Variants in FAF1 observed in about 807,000 individuals in gnomAD.
The protein encoded by FAF1 is Fas associated factor 1, also known as FAS-associated factor 1.
A neutral mutation model predicts 92.5 loss-of-function variants in FAF1; 25 were observed. That is an observed-to-expected ratio of 0.27 (90% confidence interval 0.20 to 0.38). The LOEUF is 0.38. FAF1 is among the 10% of genes least tolerant of loss of function. FAF1 has a pLI of 1.00. For missense variants in FAF1, 636 were observed against 793.3 expected, an observed-to-expected ratio of 0.80 and a Z score of 2.38; for synonymous variants, 234 against 273.2, an observed-to-expected ratio of 0.86 and a Z score of 1.42.
chr1:50,912,629 C>T (rs1644893875), intron 1 of FAF1, among the ~76,000 whole-genome samples: 1 of 152,276 alleles, frequency 6.6e-6, no homozygotes, highest in Admixed American at 6.5e-5. Flanking sequence ...AGTGTGTACT[C>T]AGAAAAATCA....
intron 7 of FAF1, among the ~76,000 whole-genome samples, chr1:50,691,177 A>C (rs1181205074): frequency 6.6e-6 from 1 of 152,230 alleles, no homozygotes; most frequent in African/African-American, 2.4e-5. Flanking sequence ...ACATTATGTC[A>C]TAATTCCACC....
In FAF1 at chr1:50,940,903, C is replaced by T. The variant is rs997922498; in HGVS notation, c.45+18864G>A. Among the ~76,000 whole-genome samples the T allele has an allele frequency of 3.3e-5, 5 of 152,140 alleles. No individual in the cohort carries two copies. In the East Asian group the frequency reaches 9.6e-4, roughly 29 times the overall value. The stretch of plus-strand genomic sequence containing the variant: ...CTATTAGCCTTGGTCAATCCAGGGA[C>T]ACCAGCAAAACTACACTGTCCTCTC... On this transcript the variant is annotated intron_variant, in intron 1 of 18. Coordinates refer to ENST00000396153, the MANE Select transcript of FAF1 (RefSeq NM_007051.3).
At chr1:50,649,136 C>T (rs28699363) in intron 8 of FAF1, among the ~76,000 whole-genome samples, 74,225 of 151,150 alleles carry the variant, frequency 0.49, 20,286 homozygotes, top group African/African-American at 0.72. Context: ...GTGCAGTTTT[C>T]ATTTTATGTA....
In FAF1 at chr1:50,719,895, T is replaced by C. The variant is rs181425461; in HGVS notation, c.552-14004A>G. Among the ~76,000 whole-genome samples the C allele has an allele frequency of 2.2e-3, 337 of 152,362 alleles. 3 individuals carry two copies. Among genetic ancestry groups the C allele is most frequent in the African/African-American group, 8.0e-3 (333 of 41,586 alleles). On this transcript the variant is annotated intron_variant, in intron 6 of 18. Transcript: ENST00000396153. ...AATGGGTTTGGTACCTCACTCCAAT[T>C]AGATGTGTTGTGATTTCCATCAGTG...
intron 15 of FAF1, among the ~76,000 whole-genome samples, chr1:50,496,427 A>G (rs1304314329): frequency 1.3e-5 from 2 of 152,198 alleles, no homozygotes; most frequent in African/African-American, 4.8e-5. Context: ...GAAAGAAATA[A>G]AGAAAGAGAA....
chr1:50,774,326 C>T (rs1660878189), intron 4 of FAF1, among the ~76,000 whole-genome samples: 1 of 152,172 alleles, frequency 6.6e-6, no homozygotes, highest in African/African-American at 2.4e-5. Context: ...TAAAGCATGG[C>T]TGAGGCATGT....
At chr1:50,927,873 TCTC>T (rs1243888522) in intron 1 of FAF1, among the ~76,000 whole-genome samples, 1 of 152,164 alleles carries the variant, frequency 6.6e-6, no homozygotes, top group Non-Finnish European at 1.5e-5. Flanking sequence ...TGTGCCCTAA[TCTC>T]CTCTTTTTCT....
At chr1:50,661,185 C>G (rs1226228827) in intron 7 of FAF1, among the ~76,000 whole-genome samples, 3 of 152,024 alleles carry the variant, frequency 2.0e-5, no homozygotes, top group Non-Finnish European at 2.9e-5. Context: ...TTAAAAAACA[C>G]TAATATTTTC....
At chr1:50,868,988 A>G (rs1214593052) in intron 1 of FAF1, among the ~76,000 whole-genome samples, 1 of 152,156 alleles carries the variant, frequency 6.6e-6, no homozygotes, top group African/African-American at 2.4e-5. Context: ...TTACTGAGAG[A>G]GAACTCTGAA....
intron 1 of FAF1, among the ~76,000 whole-genome samples, chr1:50,898,919 T>G (rs1200830411): frequency 6.6e-6 from 1 of 152,232 alleles, no homozygotes; most frequent in Non-Finnish European, 1.5e-5. Context: ...ATGTTGGTGG[T>G]TATTTCCTCA....
chr1:50,534,262 CT>C (rs2149037080), intron 15 of FAF1, among the ~76,000 whole-genome samples: 1 of 152,184 alleles, frequency 6.6e-6, no homozygotes, highest in African/African-American at 2.4e-5. Flanking sequence ...TCCCTTTAGC[CT>C]TGGGGTCTAT....
At chr1:50,533,904 T>C (rs1344372381) in intron 15 of FAF1, among the ~76,000 whole-genome samples, 1 of 152,170 alleles carries the variant, frequency 6.6e-6, no homozygotes, top group African/African-American at 2.4e-5. Context: ...TATTTATAGC[T>C]CCTACCAGCT....
chr1:50,451,959 CCTT>C (rs1646298598), intron 18 of FAF1: 1 of 1,150,354 alleles, frequency 8.7e-7, no homozygotes, highest in Non-Finnish European at 1.1e-6. Context: ...AAAGCTGTAA[CCTT>C]CTCCTTGCAG....
At chr1:50,631,143 C>T (rs1653769280) in intron 8 of FAF1, among the ~76,000 whole-genome samples, 1 of 152,098 alleles carries the variant, frequency 6.6e-6, no homozygotes, top group African/African-American at 2.4e-5. Context: ...TCTCTACTGT[C>T]TAAACGCATT....
chr1:50,924,139 AGAC>A (rs1644986410), intron 1 of FAF1, among the ~76,000 whole-genome samples: 1 of 152,242 alleles, frequency 6.6e-6, no homozygotes, highest in African/African-American at 2.4e-5. Flanking sequence ...TCTTGTTTGC[AGAC>A]GACATGATCT....
intron 1 of FAF1, among the ~76,000 whole-genome samples, chr1:50,863,263 T>G (rs1644450842): frequency 6.6e-6 from 1 of 151,910 alleles, no homozygotes; most frequent in African/African-American, 2.4e-5. Flanking sequence ...TCCTGAATGA[T>G]CTTTGGGTCA....
chr1:50,624,263 T>A (rs1014206535), intron 8 of FAF1, among the ~76,000 whole-genome samples: 5 of 152,144 alleles, frequency 3.3e-5, no homozygotes, highest in African/African-American at 4.8e-5. Flanking sequence ...TTCTCCTGCC[T>A]CACCCTCCCA....
intron 8 of FAF1, among the ~76,000 whole-genome samples, chr1:50,645,659 C>T (rs1425079845): frequency 2.0e-5 from 3 of 152,060 alleles, no homozygotes; most frequent in African/African-American, 7.2e-5. Context: ...CCCGTCTCTA[C>T]TAAAAATACA....
intron 2 of FAF1, among the ~76,000 whole-genome samples, chr1:50,836,291 CT>C (rs1644204721): frequency 6.6e-6 from 1 of 151,238 alleles, no homozygotes; most frequent in African/African-American, 2.4e-5. Context: ...CCACCTCAGC[CT>C]CCCAAAGTGC....
Sources: allele counts gnomAD v4.1 joint callset (sites outside exome capture counted in the v4.1 genomes callset), GRCh38; gene constraint gnomAD v4.1.1; transcripts MANE v1.5; gene names NCBI Gene and HGNC (gene_info 2026-07-23, HGNC 2026-07-21).